Variants in ATP1A4 observed in about 807,000 individuals in gnomAD.
ATP1A4 encodes ATPase Na+/K+ transporting subunit alpha 4, also known as sodium/potassium-transporting ATPase subunit alpha-4.
A neutral mutation model predicts 114.3 loss-of-function variants in ATP1A4; 90 were observed. The observed-to-expected ratio is 0.79, with a 90% CI of 0.66 to 0.94. The LOEUF is 0.94. ATP1A4 is among the 40% of genes least tolerant of loss of function. ATP1A4 has a pLI of 0.00. For synonymous variants in ATP1A4, 511 were observed against 494.1 expected (o/e 1.03, Z -0.45); for missense variants, 1,222 against 1,313.6 (o/e 0.93, Z 1.08).
rs544342799 is a variant in ATP1A4, at chr1:160,154,935, C to T, written c.208-110C>T. On this transcript the variant is annotated intron_variant, in intron 2 of 21. Coordinates refer to ENST00000368081, the MANE Select transcript of ATP1A4 (RefSeq NM_144699.4). ...AACTTCCAGACTGACCTTCTGAAAG[C>T]GTCTTTAGTCTCTAGACCCATTCTG... The T allele has an allele frequency of 1.7e-4, 161 of 961,068 alleles. 1 individual carries two copies. Among genetic ancestry groups the T allele is most frequent in the South Asian group, 3.1e-4 (19 of 60,532 alleles). The allele number at this position is 961,068 out of a possible 1,614,324, so 59.5% of individuals were successfully genotyped here.
intron 18 of ATP1A4, 54 bp downstream of exon 18, chr1:160,177,718 G>A (rs959835028): frequency 6.3e-7 from 1 of 1,593,896 alleles, no homozygotes; most frequent in Non-Finnish European, 8.6e-7. Context: ...AGAGTGACAG[G>A]GGAGAGTGAG....
intron 17 of ATP1A4, among the ~76,000 whole-genome samples, chr1:160,176,950 C>G (rs963613587): frequency 3.9e-5 from 6 of 152,100 alleles, no homozygotes; most frequent in African/African-American, 1.4e-4. Flanking sequence ...GGGGCTTAGA[C>G]TAGTAAGTGT....
chr1:160,167,947 T>C lies in ATP1A4; in HGVS notation c.1491+535T>C, dbSNP rs1228814424. ...CCTCTCCCCTGTGTGTCTTGTAACT[T>C]CTTTTCTTATAAGGATGCAAATCAT... On this transcript the variant is annotated intron_variant, in intron 10 of 21. Coordinates refer to ENST00000368081, the MANE Select transcript of ATP1A4 (RefSeq NM_144699.4). Among the ~76,000 whole-genome samples, 6 of 152,230 alleles carry C rather than the reference T, an allele frequency of 3.9e-5. No homozygotes were observed. The East Asian group carries it at 9.6e-4, about 24-fold the overall frequency.
At chr1:160,164,491 C>A in intron 7 of ATP1A4, 67 bp downstream of exon 7, 2 of 1,542,614 alleles carry the variant, frequency 1.3e-6, no homozygotes, top group Non-Finnish European at 1.8e-6. Flanking sequence ...GGATCACTAG[C>A]GTCTCTTTTG....
At chr1:160,169,321 C>A in intron 10 of ATP1A4, among the ~76,000 whole-genome samples, 1 of 152,198 alleles carries the variant, frequency 6.6e-6, no homozygotes, top group Non-Finnish European at 1.5e-5. Context: ...ACTTCTCCCT[C>A]CGTCTCTTTT....
At position 160,174,842 on chromosome 1, in the gene ATP1A4, C is replaced by T. The variant is rs1246083355; in HGVS notation, c.2311+95C>T. On this transcript the variant is annotated intron_variant, in intron 15 of 21. Coordinates refer to ENST00000368081, the MANE Select transcript of ATP1A4 (RefSeq NM_144699.4). ...TCTTTCCGTTTTCCCATCATCCAAC[C>T]TCCATGAGCCTGTACGGGCTCAGAA... 4.5e-6 allele frequency: 7 copies of T among 1,551,786 alleles called. No individual in the cohort carries two copies. The Admixed American group carries it at 7.5e-5, about 17-fold the overall frequency.
chr1:160,181,842 C>T (rs781435202), intron 19 of ATP1A4, 28 bp downstream of exon 19: 13 of 1,613,312 alleles, frequency 8.1e-6, no homozygotes, highest in Non-Finnish European at 5.9e-6. Flanking sequence ...CAGCCCAGCA[C>T]TCTCCCAAGC....
intron 18 of ATP1A4, among the ~76,000 whole-genome samples, chr1:160,179,434 T>TC (rs780362572): frequency 2.6e-5 from 4 of 152,102 alleles, no homozygotes; most frequent in Non-Finnish European, 4.4e-5. Flanking sequence ...AGTTAAGAAT[T>TC]CCCCCCTGCA....
intron 10 of ATP1A4, chr1:160,170,475 G>A (rs913076289): frequency 1.3e-5 from 2 of 152,220 alleles, no homozygotes; most frequent in Admixed American, 1.3e-4. Context: ...AGGCAAGGCA[G>A]AGGCTTTTAT....
chr1:160,169,670 C>G (rs1346623556), intron 10 of ATP1A4: 1 of 152,230 alleles, frequency 6.6e-6, no homozygotes, highest in Non-Finnish European at 1.5e-5. Flanking sequence ...TTGTTCTCAA[C>G]AGGCGACCTA....
intron 20 of ATP1A4, among the ~76,000 whole-genome samples, 190 bp from the exon 21 acceptor site, chr1:160,186,086 C>CAAAAAGAAAAAAAA (rs1653878927): frequency 6.1e-5 from 2 of 32,790 alleles, no homozygotes; most frequent in Non-Finnish European, 1.0e-4. Context: ...GACTCTGTCG[C>CAAAAAGAAAAAAAA]AAAAAAAAAA....
At chr1:160,153,265 TCTGA>T in intron 2 of ATP1A4, 41 bp downstream of exon 2, 1 of 1,566,550 alleles carries the variant, frequency 6.4e-7, no homozygotes. Flanking sequence ...AGTCTCCAAC[TCTGA>T]CTGTGAGGCT....
intron 6 of ATP1A4, among the ~76,000 whole-genome samples, chr1:160,160,792 A>T (rs567320063): frequency 3.9e-5 from 6 of 152,276 alleles, no homozygotes; most frequent in South Asian, 2.1e-4. Flanking sequence ...CTTAAAGAAG[A>T]AGCGTAATGT....
At chr1:160,156,249 G>C in intron 4 of ATP1A4, 91 bp downstream of exon 4, 1 of 889,880 alleles carries the variant, frequency 1.1e-6, no homozygotes, top group Non-Finnish European at 1.9e-6. Flanking sequence ...TATATCCTAT[G>C]ATAAGTGAGC....
intron 7 of ATP1A4, among the ~76,000 whole-genome samples, chr1:160,165,532 G>C (rs1456061013): frequency 9.9e-5 from 15 of 151,564 alleles, no homozygotes; most frequent in South Asian, 6.3e-4. Flanking sequence ...GGCCAAGGTG[G>C]GCGGATCACG....
chr1:160,151,857 C>T lies in ATP1A4; in HGVS notation c.-184C>T. The T allele has an allele frequency of 1.6e-6, 1 of 607,846 alleles. No homozygotes were observed. The highest frequency in any genetic ancestry group is 2.6e-5 in the South Asian group (1 of 38,070). 37.7% of individuals were successfully genotyped at this position (607,846 alleles called of 1,614,324 possible). On this transcript the variant is annotated 5_prime_UTR_variant, in exon 1 of 22. Coordinates refer to ENST00000368081, the MANE Select transcript of ATP1A4 (RefSeq NM_144699.4). ...CAGTCTCTCCTCTCTCACTTCCCTTCCTCTCTCTCACCTTCACCACCCAAC... is the reference window on the plus strand; with the variant it reads ...CAGTCTCTCCTCTCTCACTTCCCTTTCTCTCTCTCACCTTCACCACCCAAC...
chr1:160,164,219 TG>T lies in ATP1A4; in HGVS notation c.843del (p.Thr282ArgfsTer21). On this transcript the variant is annotated frameshift_variant, in exon 7 of 22. Coordinates refer to ENST00000368081, the MANE Select transcript of ATP1A4 (RefSeq NM_144699.4). LOFTEE classifies it high-confidence loss of function. ...ACAGTGATGGGCAGAATTGCCTCCC[TG>T]ACGTCAGGCCTGGCGGTTGGCCAGA... The part of the protein sequence containing the change: ...DSTVMGRIAS[L>X]TSGLAVGQTP... The T allele has an allele frequency of 6.2e-7, 1 of 1,614,232 alleles. No homozygotes were observed. The highest frequency in any genetic ancestry group is 2.2e-5 in the East Asian group (1 of 44,888).
At chr1:160,174,320 C>A in intron 14 of ATP1A4, 59 bp downstream of exon 14, 2 of 1,607,012 alleles carry the variant, frequency 1.2e-6, no homozygotes, top group Non-Finnish European at 1.7e-6. Flanking sequence ...TTAGCCCCGT[C>A]CCAAACCAAG....
At chr1:160,165,027 C>T (rs896680002) in intron 7 of ATP1A4, among the ~76,000 whole-genome samples, 1 of 152,116 alleles carries the variant, frequency 6.6e-6, no homozygotes. Flanking sequence ...ACAGACTAGC[C>T]CTTTAGATTT....
Sources: allele counts gnomAD v4.1 joint callset (sites outside exome capture counted in the v4.1 genomes callset), GRCh38; gene constraint gnomAD v4.1.1; transcripts MANE v1.5; gene names NCBI Gene and HGNC (gene_info 2026-07-23, HGNC 2026-07-21).